Variants in MAPK4 observed in about 807,000 individuals in gnomAD.
The protein encoded by MAPK4 is mitogen-activated protein kinase 4, also known as Erk3-related.
In MAPK4, 22 loss-of-function variants were observed where a neutral mutation model predicts 47.7. The observed-to-expected ratio is 0.46, with a 90% CI of 0.33 to 0.66. The LOEUF (loss-of-function observed/expected upper bound fraction) is 0.66. MAPK4 is among the 30% of genes least tolerant of loss of function. The pLI, the probability that MAPK4 is intolerant of heterozygous loss-of-function variation, is 0.02. For synonymous variants in MAPK4, 390 were observed against 365.7 expected (o/e 1.07, Z -0.76); for missense variants, 736 against 831.7 (o/e 0.88, Z 1.42).
chr18:50,621,978 T>C (rs905686542), intron 1 of MAPK4, among the ~76,000 whole-genome samples: 16 of 152,258 alleles, frequency 1.1e-4, no homozygotes, highest in African/African-American at 3.9e-4. Context: ...TCTCTGCCAC[T>C]GGGTGTGTAC....
chr18:50,713,278 A>G (rs1351530666), intron 2 of MAPK4, among the ~76,000 whole-genome samples: 3 of 152,226 alleles, frequency 2.0e-5, no homozygotes, highest in Admixed American at 2.0e-4. Context: ...TGACTTTTAA[A>G]GCAATTAAAC....
chr18:50,716,666 G>A (rs191912834), intron 3 of MAPK4, among the ~76,000 whole-genome samples: 4 of 152,168 alleles, frequency 2.6e-5, no homozygotes, highest in South Asian at 2.1e-4. Flanking sequence ...ACAGAACTCC[G>A]GGCCTCATAT....
chr18:50,626,306 A>G (rs1206713045), intron 1 of MAPK4, among the ~76,000 whole-genome samples: 1 of 152,186 alleles, frequency 6.6e-6, no homozygotes, highest in Non-Finnish European at 1.5e-5. Flanking sequence ...TGGCAAATCC[A>G]TCTCTGAACG....
chr18:50,723,616 A>C (rs958330196), intron 4 of MAPK4, among the ~76,000 whole-genome samples: 5 of 152,154 alleles, frequency 3.3e-5, no homozygotes, highest in African/African-American at 1.2e-4. Flanking sequence ...TAATCCCAGC[A>C]CTTTGGGAGG....
At chr18:50,715,367 C>A in intron 3 of MAPK4, 144 bp downstream of exon 3, 1 of 1,013,726 alleles carries the variant, frequency 9.9e-7, no homozygotes, top group Non-Finnish European at 1.4e-6. Context: ...TATTTGGAGG[C>A]ACCTTATTAT....
intron 2 of MAPK4, among the ~76,000 whole-genome samples, chr18:50,671,202 CCTCA>C (rs1907930531): frequency 6.6e-6 from 1 of 152,144 alleles, no homozygotes; most frequent in Non-Finnish European, 1.5e-5. Flanking sequence ...CTTTGGAGGG[CCTCA>C]CTCACATCAC....
Position 50,663,974 on chromosome 18 carries a change from G to C in MAPK4, c.16G>C (p.Asp6His). The change falls in exon 2 of 6, where the codon GAC (aspartate) becomes CAC (histidine). Residue 6 changes from aspartate (D) to histidine (H), a missense_variant. Transcript: ENST00000400384. MAEKGDCIASVYGYDL... is the reference protein window; with the variant it reads MAEKGHCIASVYGYDL... ...TGAGCCCACAATGGCTGAGAAGGGT[G>C]ACTGCATCGCCAGTGTCTATGGGTA... is the stretch of plus-strand genomic sequence containing the variant. 1 of 1,611,664 alleles carries C rather than the reference G, an allele frequency of 6.2e-7. No homozygotes were observed. The highest frequency in any genetic ancestry group is 8.5e-7 in the Non-Finnish European group (1 of 1,178,390).
intron 1 of MAPK4, among the ~76,000 whole-genome samples, chr18:50,647,993 A>G (rs933868513): frequency 1.3e-5 from 2 of 152,138 alleles, no homozygotes; most frequent in Non-Finnish European, 2.9e-5. Context: ...TTTATTGAGC[A>G]TATACTTACT....
At chr18:50,688,071 TG>T (rs2144337753) in intron 2 of MAPK4, among the ~76,000 whole-genome samples, 1 of 152,280 alleles carries the variant, frequency 6.6e-6, no homozygotes, top group Admixed American at 6.5e-5. Context: ...ATCCCCAGCT[TG>T]GTGCTGGCAC....
intron 1 of MAPK4, among the ~76,000 whole-genome samples, chr18:50,580,420 G>T (rs1358464083): frequency 6.6e-6 from 1 of 152,198 alleles, no homozygotes; most frequent in African/African-American, 2.4e-5. Context: ...CAAGGGCAAA[G>T]TTTGCCCTGA....
rs1470890570 is a variant in MAPK4, at chr18:50,689,146, AGCACTTTG to A, written c.546+24644_546+24651del. 2.7e-5 allele frequency among the ~76,000 whole-genome samples: 4 copies of A among 145,900 alleles called. No individual in the cohort carries two copies. The East Asian group carries it at 7.9e-4, about 29-fold the overall frequency. ...TGTGGTGGTGCAAGCATGTAATCCC[AGCACTTTG>A]GGAGGCTGAGGCGGGCGGATCACAT... is the stretch of plus-strand genomic sequence containing the variant. On this transcript the variant is annotated intron_variant, in intron 2 of 5. Transcript: ENST00000400384.
intron 5 of MAPK4, among the ~76,000 whole-genome samples, chr18:50,728,041 G>T (rs936697299): frequency 1.3e-5 from 2 of 152,192 alleles, no homozygotes; most frequent in South Asian, 4.1e-4. Flanking sequence ...ACTGGGAGGC[G>T]GGCAGTGCTG....
intron 1 of MAPK4, among the ~76,000 whole-genome samples, chr18:50,658,283 CACTGGGCCTGAAA>C (rs1299617599): frequency 2.0e-5 from 3 of 152,170 alleles, no homozygotes; most frequent in Non-Finnish European, 4.4e-5. Context: ...ATTTTTCCCT[CACTGGGCCTGAAA>C]ACTCACACTG....
At chr18:50,648,343 G>A (rs2043011244) in intron 1 of MAPK4, among the ~76,000 whole-genome samples, 3 of 152,270 alleles carry the variant, frequency 2.0e-5, no homozygotes, top group Admixed American at 1.3e-4. Context: ...GTGGTGTGGG[G>A]GGCAGCCTCT....
chr18:50,714,467 C>T (rs12959952), intron 2 of MAPK4, among the ~76,000 whole-genome samples: 43,747 of 152,118 alleles, frequency 0.29, 8,046 homozygotes, highest in Non-Finnish European at 0.41. Flanking sequence ...CTCCGAGAAT[C>T]TCATGGACCA....
intron 1 of MAPK4, among the ~76,000 whole-genome samples, chr18:50,562,541 A>T (rs2042163197): frequency 1.3e-5 from 2 of 152,092 alleles, no homozygotes; most frequent in South Asian, 4.1e-4. Flanking sequence ...GATACCAGTG[A>T]TGTTGGGGTG....
At chr18:50,565,300 G>T (rs1049195955) in intron 1 of MAPK4, among the ~76,000 whole-genome samples, 3 of 152,302 alleles carry the variant, frequency 2.0e-5, no homozygotes, top group African/African-American at 4.8e-5. Flanking sequence ...GAAATGAGGG[G>T]CAGGGATCGT....
At chr18:50,721,298 G>A (rs938232131) in intron 3 of MAPK4, among the ~76,000 whole-genome samples, 7 of 152,136 alleles carry the variant, frequency 4.6e-5, no homozygotes, top group Non-Finnish European at 7.4e-5. Flanking sequence ...GCATGGAGAA[G>A]GTGCTCGATA....
chr18:50,723,416 C>T (rs958688250), intron 4 of MAPK4, among the ~76,000 whole-genome samples: 6 of 152,228 alleles, frequency 3.9e-5, no homozygotes, highest in African/African-American at 1.4e-4. Flanking sequence ...CAGAAGGGTG[C>T]CAGGATGGAT....
Sources: allele counts gnomAD v4.1 joint callset (sites outside exome capture counted in the v4.1 genomes callset), GRCh38; gene constraint gnomAD v4.1.1; transcripts MANE v1.5; gene names NCBI Gene and HGNC (gene_info 2026-07-23, HGNC 2026-07-21).